Variants in TLR2 observed in about 807,000 individuals in gnomAD.
The protein encoded by TLR2 is toll-like receptor 2.
Under a neutral mutation model 9.1 loss-of-function variants are expected in TLR2, and 7 were observed. That is an observed-to-expected ratio of 0.77 (90% CI 0.44 to 1.44). TLR2 has a LOEUF of 1.44. Ranked by LOEUF, TLR2 falls within the 40% of genes most tolerant of loss-of-function variation. The probability of loss-of-function intolerance (pLI) is 0.01; values close to 1 mark genes in which losing one functional copy is unlikely to be tolerated. For missense variants in TLR2, 812 were observed against 904.6 expected, an observed-to-expected ratio of 0.90 and a Z score of 1.31; for synonymous variants, 317 against 344.6, an observed-to-expected ratio of 0.92 and a Z score of 0.89.
chr4:153,701,674 A>C (rs1472821078), intron 2 of TLR2: 1 of 151,934 alleles, frequency 6.6e-6, no homozygotes, highest in East Asian at 1.9e-4. Flanking sequence ...TTCATTGATT[A>C]TGTACAGTTT....
downstream of TLR2, among the ~76,000 whole-genome samples, chr4:153,708,949 G>A (rs1443467296): frequency 1.3e-5 from 2 of 152,106 alleles, no homozygotes; most frequent in Non-Finnish European, 2.9e-5. Flanking sequence ...GAGATGAGAG[G>A]AGTTTCTTAT....
At chr4:153,700,261 A>G (rs1736793827) in intron 2 of TLR2, among the ~76,000 whole-genome samples, 1 of 152,198 alleles carries the variant, frequency 6.6e-6, no homozygotes, top group South Asian at 2.1e-4. Flanking sequence ...TGGGGATCAC[A>G]TTTCAACATG....
downstream of TLR2, among the ~76,000 whole-genome samples, chr4:153,709,294 G>T (rs553777928): frequency 3.3e-5 from 5 of 152,320 alleles, no homozygotes; most frequent in Admixed American, 3.3e-4. Flanking sequence ...AATAATCATT[G>T]TATTTCCTTT....
chr4:153,704,121 C>A lies in TLR2; in HGVS notation c.1214C>A (p.Thr405Asn). ...RQNHLASLEK[T>N]GETLLTLKNL... ...AATCATTTGGCATCATTGGAAAAAA[C>A]CGGAGAGACTTTGCTCACTCTGAAA... The change falls in exon 3 of 3, where the codon ACC (threonine) becomes AAC (asparagine). Residue 405 changes from threonine to asparagine, a missense_variant. Coordinates refer to ENST00000642700, the MANE Select transcript of TLR2 (RefSeq NM_001318789.2). The A allele has an allele frequency of 6.2e-7, 1 of 1,613,940 alleles. No homozygotes were observed. Among genetic ancestry groups the A allele is most frequent in the Non-Finnish European group, 8.5e-7 (1 of 1,179,972 alleles).
At chr4:153,691,561 T>C (rs1370591780) in intron 2 of TLR2, among the ~76,000 whole-genome samples, 1 of 152,196 alleles carries the variant, frequency 6.6e-6, no homozygotes, top group Non-Finnish European at 1.5e-5. Flanking sequence ...TAGGGTCTTT[T>C]TTGGATCTAT....
chr4:153,684,807 G>A (rs1461657902), intron 1 of TLR2, among the ~76,000 whole-genome samples: 1 of 150,684 alleles, frequency 6.6e-6, no homozygotes, highest in African/African-American at 2.5e-5. Context: ...CCCTCGGGAG[G>A]CCGAGGGGGG....
chr4:153,701,317 C>T (rs1736872888), intron 2 of TLR2, among the ~76,000 whole-genome samples: 1 of 152,088 alleles, frequency 6.6e-6, no homozygotes, highest in Non-Finnish European at 1.5e-5. Context: ...ATGTAGTGCC[C>T]CCTTGCCCTC....
rs1257809433 is a variant in TLR2 at position 153,684,363 on chromosome 4, A to G, written c.-163+3A>G. The G allele has an allele frequency of 6.6e-6, 1 of 152,272 alleles. No individual in the cohort carries two copies. The highest frequency in any genetic ancestry group is 6.5e-5 in the Admixed American group (1 of 15,292). 9.4% of individuals were successfully genotyped at this position (152,272 alleles called of 1,614,324 possible). A position where few individuals can be genotyped will look rare whatever the true frequency, so the allele number is the denominator to read the frequency against. On this transcript the variant is annotated splice_donor_region_variant and intron_variant, in intron 1 of 2. Transcript: ENST00000642700. ...GTGACTGCTCGGAGTTCTCCCAGGT[A>G]CGTCGTGCGCTCCCCACTCGTGTGG...
chr4:153,697,374 T>C (rs1736579178), intron 2 of TLR2, among the ~76,000 whole-genome samples: 1 of 152,150 alleles, frequency 6.6e-6, no homozygotes, highest in South Asian at 2.1e-4. Context: ...TTGAGATAAT[T>C]TATTGTGCTT....
rs1470115008 is a variant in TLR2 at position 153,704,725 on chromosome 4, G to A, written c.1818G>A (p.Gly606=). The A allele has an allele frequency of 4.3e-6, 7 of 1,613,784 alleles. No homozygotes were observed. In the Middle Eastern group the frequency reaches 4.9e-4, roughly 114 times the overall value. ...CALFLLILLT[G]VLCHRFHGLW... is the part of the protein sequence containing the mutation. ...TGTTCCTGCTGATCCTGCTCACGGG[G>A]GTCCTGTGCCACCGTTTCCATGGCC... Residue 606 remains glycine (G), a synonymous_variant, in exon 3 of 3, where the codon GGG becomes GGA. Coordinates refer to ENST00000642700, the MANE Select transcript of TLR2 (RefSeq NM_001318789.2).
In TLR2 at chr4:153,703,243, A is replaced by G. The variant is rs746673189; in HGVS notation, c.336A>G (p.Leu112=). The change falls in exon 3 of 3, where the codon TTA becomes TTG. Residue 112 remains leucine (L), a synonymous_variant. Transcript: ENST00000642700. ...ATTTAGACTTATCCTATAATTACTTATCTAATTTATCGTCTTCCTGGTTCA... is the reference window on the plus strand; with the variant it reads ...ATTTAGACTTATCCTATAATTACTTGTCTAATTTATCGTCTTCCTGGTTCA... ...LEHLDLSYNY[L]SNLSSSWFKP... is the part of the protein sequence containing the mutation. 6.2e-7 allele frequency: 1 copy of G among 1,613,904 alleles called. No homozygotes were observed. The highest frequency in any genetic ancestry group is 1.1e-5 in the South Asian group (1 of 90,992).
At chr4:153,706,739 T>A (rs1410356224), downstream of TLR2, among the ~76,000 whole-genome samples, 1 of 152,196 alleles carries the variant, frequency 6.6e-6, no homozygotes, top group Non-Finnish European at 1.5e-5. Flanking sequence ...GTGTATGTGG[T>A]TAATTGGGCA....
downstream of TLR2, among the ~76,000 whole-genome samples, chr4:153,707,284 C>T (rs891849876): frequency 1.3e-5 from 2 of 152,022 alleles, no homozygotes; most frequent in African/African-American, 4.8e-5. Flanking sequence ...AAAAATCAGG[C>T]TTGGTGTAAT....
chr4:153,703,437 A>C lies in TLR2; in HGVS notation c.530A>C (p.Glu177Ala), dbSNP rs947998791. ...RKDFAGLTFLEELEIDASDLQ... is the reference protein window; with the variant it reads ...RKDFAGLTFLAELEIDASDLQ... ...GATTTTGCTGGACTTACCTTCCTTG[A>C]GGAACTTGAGATTGATGCTTCAGAT... Residue 177 changes from glutamate to alanine, a missense_variant, in exon 3 of 3, where the codon GAG becomes GCG. Glu to Ala is a moderately radical substitution (Grantham distance 107). Transcript: ENST00000642700. 3 of 1,613,974 alleles carry C rather than the reference A, an allele frequency of 1.9e-6. No individual in the cohort carries two copies.
Position 153,704,302 on chromosome 4 carries a change from C to G in TLR2, c.1395C>G (p.Ser465Arg), listed in dbSNP as rs1194303670. 1.2e-6 allele frequency: 2 copies of G among 1,613,740 alleles called. No homozygotes were observed. Among genetic ancestry groups the G allele is most frequent in the Non-Finnish European group, 1.7e-6 (2 of 1,179,986 alleles). Residue 465 changes from serine (S) to arginine (R), a missense_variant, in exon 3 of 3, where the codon AGC becomes AGG. By Grantham distance (110) the Ser-to-Arg change is moderately radical. Coordinates refer to ENST00000642700, the MANE Select transcript of TLR2 (RefSeq NM_001318789.2). ...IPKTLEILDV[S>R]NNNLNLFSLN... ...AGACACTGGAAATTTTAGATGTTAG[C>G]AACAACAATCTCAATTTATTTTCTT...
In TLR2 at chr4:153,704,808, CT is replaced by C. The variant is rs776258547; in HGVS notation, c.1902del (p.Ser636AlafsTer73). The C allele has an allele frequency of 6.2e-7, 1 of 1,614,028 alleles. No individual in the cohort carries two copies. The highest frequency in any genetic ancestry group is 8.5e-7 in the Non-Finnish European group (1 of 1,179,990). The part of the protein sequence containing the change: ...WLQAKRKPRK[A>X]PSRNICYDAF... The stretch of plus-strand genomic sequence containing the variant: ...CAGGCCAAAAGGAAGCCCAGGAAAG[CT>C]CCCAGCAGGAACATCTGCTATGATG... On this transcript the variant is annotated frameshift_variant, in exon 3 of 3. Coordinates refer to ENST00000642700, the MANE Select transcript of TLR2 (RefSeq NM_001318789.2). LOFTEE classifies it high-confidence loss of function.
intron 2 of TLR2, among the ~76,000 whole-genome samples, chr4:153,690,229 T>C (rs531203708): frequency 2.0e-5 from 3 of 152,236 alleles, no homozygotes; most frequent in Non-Finnish European, 4.4e-5. Flanking sequence ...GCTCAAAAAA[T>C]TTAAAGTCAT....
intron 2 of TLR2, among the ~76,000 whole-genome samples, chr4:153,688,838 G>C (rs1030576894): frequency 2.6e-5 from 4 of 152,198 alleles, no homozygotes; most frequent in African/African-American, 9.7e-5. Flanking sequence ...CAAATCTGGG[G>C]CTAGTTTATG....
intron 2 of TLR2, among the ~76,000 whole-genome samples, chr4:153,700,349 C>T (rs753860979): frequency 2.0e-5 from 3 of 152,050 alleles, no homozygotes; most frequent in South Asian, 2.1e-4. Context: ...TTTAAAGTAT[C>T]GAATAGAAAT....
Sources: allele counts gnomAD v4.1 joint callset (sites outside exome capture counted in the v4.1 genomes callset), GRCh38; gene constraint gnomAD v4.1.1; transcripts MANE v1.5; gene names NCBI Gene and HGNC (gene_info 2026-07-23, HGNC 2026-07-21).